The following CTIF variants were observed in gnomAD, a reference collection of about 807,000 sequenced individuals.
CTIF encodes the protein CBP80/20-dependent translation initiation factor.
Under a neutral mutation model 66.0 loss-of-function variants are expected in CTIF, and 21 were observed. The ratio of observed to expected loss-of-function variants is 0.32; its 90% confidence interval spans 0.23 to 0.46. The LOEUF (loss-of-function observed/expected upper bound fraction) is 0.46. Ranked by LOEUF, CTIF falls within the 20% of genes least tolerant of loss-of-function variation. CTIF has a pLI of 1.00. For missense variants in CTIF, 739 were observed against 812.7 expected, an observed-to-expected ratio of 0.91 and a Z score of 1.10; for synonymous variants, 345 against 326.4, an observed-to-expected ratio of 1.06 and a Z score of -0.62.
chr18:48,626,822 A>AT (rs1287951120), intron 2 of CTIF, among the ~76,000 whole-genome samples: 1 of 151,626 alleles, frequency 6.6e-6, no homozygotes, highest in South Asian at 2.1e-4. Context: ...TGCCTGGCTA[A>AT]TTTTTTGTAT....
At chr18:48,649,773 G>C (rs998113639) in intron 3 of CTIF, among the ~76,000 whole-genome samples, 1 of 152,060 alleles carries the variant, frequency 6.6e-6, no homozygotes, top group East Asian at 2.0e-4. Context: ...TCAGGCAGCA[G>C]TATTTGCTGT....
intron 1 of CTIF, among the ~76,000 whole-genome samples, chr18:48,580,922 C>G (rs2089641037): frequency 6.6e-6 from 1 of 152,268 alleles, no homozygotes; most frequent in Non-Finnish European, 1.5e-5. Context: ...AACTATTCCA[C>G]TAGCTGCAGG....
intron 1 of CTIF, among the ~76,000 whole-genome samples, chr18:48,555,009 G>T (rs2088983388): frequency 6.6e-6 from 1 of 151,504 alleles, no homozygotes; most frequent in African/African-American, 2.4e-5. Context: ...TCTTCTTTTG[G>T]AGGTAAGCTC....
At chr18:48,793,630 G>C (rs2067843065) in intron 9 of CTIF, among the ~76,000 whole-genome samples, 1 of 152,170 alleles carries the variant, frequency 6.6e-6, no homozygotes, top group Admixed American at 6.5e-5. Flanking sequence ...GGGGCTTCTT[G>C]TGTGCCCCCT....
In CTIF at chr18:48,843,690, C is replaced by T. The variant is rs535149492; in HGVS notation, c.1528-13898C>T. On this transcript the variant is annotated intron_variant, in intron 10 of 11. Transcript: ENST00000256413. Reference sequence around the variant, plus strand: ...TATCTAGGTGACCGTATATGATCCACATCAGGGCAGTTTGGAGAGTGGAAA... The same window carrying T: ...TATCTAGGTGACCGTATATGATCCATATCAGGGCAGTTTGGAGAGTGGAAA... 2.0e-5 allele frequency among the ~76,000 whole-genome samples: 3 copies of T among 152,278 alleles called. No homozygotes were observed. The East Asian group carries it at 5.8e-4, about 29-fold the overall frequency.
chr18:48,756,820 C>T (rs1908411809), intron 7 of CTIF, among the ~76,000 whole-genome samples: 1 of 152,244 alleles, frequency 6.6e-6, no homozygotes, highest in Non-Finnish European at 1.5e-5. Flanking sequence ...TTTGTTCCTG[C>T]TGCACAACTC....
At chr18:48,766,641 G>A (rs1024839470) in intron 9 of CTIF, among the ~76,000 whole-genome samples, 4 of 152,222 alleles carry the variant, frequency 2.6e-5, no homozygotes, top group African/African-American at 7.2e-5. Flanking sequence ...CTGGTTCATC[G>A]CGGCCACTTA....
At chr18:48,657,012 G>A (rs930647141) in intron 3 of CTIF, among the ~76,000 whole-genome samples, 2 of 152,226 alleles carry the variant, frequency 1.3e-5, no homozygotes, top group African/African-American at 2.4e-5. Context: ...AGGCTAGGAC[G>A]AGGGGTGAAT....
At chr18:48,817,432 T>A in intron 10 of CTIF, 56 bp downstream of exon 10, 1 of 1,557,664 alleles carries the variant, frequency 6.4e-7, no homozygotes. Flanking sequence ...AGGTCTGGAA[T>A]GCGTCTCAGA....
chr18:48,615,951 A>T (rs1334794234), intron 1 of CTIF, among the ~76,000 whole-genome samples: 1 of 152,192 alleles, frequency 6.6e-6, no homozygotes, highest in East Asian at 1.9e-4. Context: ...ATGGGTCTCA[A>T]TTCTGTCCCC....
rs36056519 is a variant in CTIF, at chr18:48,561,235, CA to C, written c.-29+21943del. On this transcript the variant is annotated intron_variant, in intron 1 of 11. Transcript: ENST00000256413. ...CTTGGGCGACAGTGAGACTCTGTCT[CA>C]AAAAAAAAAAAAAAAAAAAGGAGTG... Among the ~76,000 whole-genome samples the C allele has an allele frequency of 5.7e-3, 526 of 92,318 alleles. 1 individual carries two copies. The highest frequency in any genetic ancestry group is 0.031 in the Middle Eastern group (5 of 160). The allele number at this position is 92,318 out of a possible 152,430, so 60.6% of individuals were successfully genotyped here. A position where few individuals can be genotyped will look rare whatever the true frequency, so the allele number is the denominator to read the frequency against.
intron 6 of CTIF, among the ~76,000 whole-genome samples, chr18:48,701,815 C>T (rs943141114): frequency 9.2e-5 from 14 of 152,244 alleles, no homozygotes; most frequent in African/African-American, 2.2e-4. Flanking sequence ...CATGGCTACC[C>T]GTGGAGGGCA....
At chr18:48,844,871 T>A (rs1265202055) in intron 10 of CTIF, among the ~76,000 whole-genome samples, 1 of 152,188 alleles carries the variant, frequency 6.6e-6, no homozygotes, top group African/African-American at 2.4e-5. Context: ...CACCAGCCCT[T>A]CCTCCCACTT....
At chr18:48,779,233 C>T (rs1327776793) in intron 9 of CTIF, among the ~76,000 whole-genome samples, 3 of 152,220 alleles carry the variant, frequency 2.0e-5, no homozygotes, top group Non-Finnish European at 4.4e-5. Context: ...CAGCTCTCTG[C>T]AGTCACTGGC....
intron 7 of CTIF, among the ~76,000 whole-genome samples, chr18:48,717,038 C>T (rs911144981): frequency 4.6e-5 from 7 of 151,714 alleles, no homozygotes; most frequent in South Asian, 2.1e-4. Flanking sequence ...CCTACAGCAG[C>T]GCTTGCTGCC....
intron 10 of CTIF, among the ~76,000 whole-genome samples, chr18:48,824,404 C>G (rs2146386743): frequency 6.6e-6 from 1 of 152,236 alleles, no homozygotes; most frequent in South Asian, 2.1e-4. Flanking sequence ...CAGCTGGTAT[C>G]TCTGAGCCAA....
intron 1 of CTIF, among the ~76,000 whole-genome samples, chr18:48,617,267 A>G (rs1442546361): frequency 6.6e-6 from 1 of 152,160 alleles, no homozygotes. Context: ...AGTCTTTCTC[A>G]TGCTTTGGAT....
chr18:48,691,272 G>C (rs2091921897), intron 6 of CTIF, among the ~76,000 whole-genome samples: 1 of 152,164 alleles, frequency 6.6e-6, no homozygotes, highest in Admixed American at 6.5e-5. Context: ...CAAAGGGATT[G>C]TGCCCAAGGG....
intron 1 of CTIF, among the ~76,000 whole-genome samples, chr18:48,611,628 G>A (rs2144298314): frequency 6.6e-6 from 1 of 152,332 alleles, no homozygotes; most frequent in Non-Finnish European, 1.5e-5. Flanking sequence ...CTGAGTCTCA[G>A]GCCCCAACTC....
Sources: gnomAD v4.1 joint callset for allele counts (sites outside exome capture counted in the v4.1 genomes callset) on GRCh38, gnomAD v4.1.1 for gene constraint, MANE v1.5 for transcripts, NCBI Gene and HGNC (gene_info 2026-07-23, HGNC 2026-07-21) for gene names.